SYT2: variants seen among roughly 807,000 people sequenced by gnomAD.
SYT2 encodes synaptotagmin-2.
Under a neutral mutation model 39.9 loss-of-function variants are expected in SYT2, and 15 were observed. The observed-to-expected ratio is 0.38, with a 90% CI of 0.25 to 0.58. The LOEUF is 0.58. Ranked by LOEUF, SYT2 falls within the 20% of genes least tolerant of loss-of-function variation. SYT2 has a pLI of 0.70. For synonymous variants in SYT2, 181 were observed against 204.5 expected (o/e 0.89, Z 0.98); for missense variants, 389 against 530.3 (o/e 0.73, Z 2.62).
intron 1 of SYT2, among the ~76,000 whole-genome samples, chr1:202,619,021 T>C (rs1311272561): frequency 1.3e-5 from 2 of 152,208 alleles, no homozygotes; most frequent in Non-Finnish European, 2.9e-5. Flanking sequence ...TCTAAATCCC[T>C]GGACCCCTAG....
chr1:202,654,806 C>G (rs1461817525), intron 1 of SYT2, among the ~76,000 whole-genome samples: 1 of 152,142 alleles, frequency 6.6e-6, no homozygotes. Flanking sequence ...CCAAAATTAA[C>G]TAGGCAGCGA....
intron 1 of SYT2, chr1:202,643,315 G>A (rs1257290986): frequency 6.8e-6 from 1 of 147,822 alleles, no homozygotes; most frequent in African/African-American, 2.5e-5. Flanking sequence ...TGAGCTGGTG[G>A]AGAGGGCGGG....
chr1:202,689,221 CCT>C (rs879544122), intron 1 of SYT2, among the ~76,000 whole-genome samples: 9 of 152,144 alleles, frequency 5.9e-5, no homozygotes, highest in Admixed American at 1.3e-4. Flanking sequence ...AGCACATACC[CCT>C]GAGCATACAT....
At chr1:202,627,945 G>T (rs1691465916) in intron 1 of SYT2, among the ~76,000 whole-genome samples, 1 of 152,084 alleles carries the variant, frequency 6.6e-6, no homozygotes, top group Non-Finnish European at 1.5e-5. Context: ...GCTTGCCCAG[G>T]GCCTCCCAGT....
In SYT2 at chr1:202,618,400, A is replaced by AGTGTGT. The variant is rs57621822; in HGVS notation, c.-17-12617_-17-12612dup. On this transcript the variant is annotated intron_variant, in intron 1 of 8. Coordinates refer to ENST00000367268, the MANE Select transcript of SYT2 (RefSeq NM_177402.5). Reference sequence around the variant, plus strand: ...TGGGAAGGAACCAAGGTCTGGTGTGAGTGTGTGTGTGTGTGTGTGTGTGTG... The same window carrying AGTGTGT: ...TGGGAAGGAACCAAGGTCTGGTGTGAGTGTGTGTGTGTGTGTGTGTGTGTGTGTGTG... 6.7e-3 allele frequency among the ~76,000 whole-genome samples: 1,004 copies of AGTGTGT among 148,850 alleles called. 9 individuals are homozygous for AGTGTGT. Among genetic ancestry groups the AGTGTGT allele is most frequent in the East Asian group, 0.019 (94 of 4,974 alleles).
chr1:202,620,800 G>A (rs994032839), intron 1 of SYT2, among the ~76,000 whole-genome samples: 82 of 152,050 alleles, frequency 5.4e-4, no homozygotes, highest in Non-Finnish European at 2.2e-4. Context: ...GGGGTGAGAC[G>A]ACCTCGCACA....
At chr1:202,621,363 A>G (rs1479140225) in intron 1 of SYT2, among the ~76,000 whole-genome samples, 1 of 152,100 alleles carries the variant, frequency 6.6e-6, no homozygotes, top group Non-Finnish European at 1.5e-5. Flanking sequence ...GGCCGTGATC[A>G]TAGCTCACTG....
chr1:202,680,719 A>T (rs1277808328), intron 1 of SYT2, among the ~76,000 whole-genome samples: 1 of 152,136 alleles, frequency 6.6e-6, no homozygotes, highest in Non-Finnish European at 1.5e-5. Context: ...TTCTCCATCT[A>T]AAAACATTCC....
chr1:202,665,187 A>C (rs1310090918), intron 1 of SYT2, among the ~76,000 whole-genome samples: 8 of 152,190 alleles, frequency 5.3e-5, no homozygotes, highest in Non-Finnish European at 1.0e-4. Flanking sequence ...CCTGGGATGA[A>C]AGTGATGAGG....
chr1:202,700,580 TA>T (rs1470065404), intron 1 of SYT2, among the ~76,000 whole-genome samples: 3 of 152,168 alleles, frequency 2.0e-5, no homozygotes, highest in Non-Finnish European at 2.9e-5. Flanking sequence ...TAATACAACA[TA>T]TTTAATAAGT....
In SYT2 at chr1:202,669,850, C is replaced by G. The variant is rs369275924; in HGVS notation, c.-18+40408G>C. On this transcript the variant is annotated intron_variant, in intron 1 of 8. Coordinates refer to ENST00000367268, the MANE Select transcript of SYT2 (RefSeq NM_177402.5). ...AAAGACACGAAACATGTCTCTCATTCAGTCAACCTACCTGGGAGCCCTGGC... is the reference window on the plus strand; with the variant it reads ...AAAGACACGAAACATGTCTCTCATTGAGTCAACCTACCTGGGAGCCCTGGC... Among the ~76,000 whole-genome samples the G allele has an allele frequency of 1.2e-4, 19 of 152,132 alleles. 1 individual carries two copies. The highest frequency in any genetic ancestry group is 7.9e-4 in the Admixed American group (12 of 15,284).
chr1:202,612,611 C>T (rs1690915543), intron 1 of SYT2, among the ~76,000 whole-genome samples: 1 of 152,188 alleles, frequency 6.6e-6, no homozygotes, highest in Admixed American at 6.5e-5. Context: ...ATGCAATCCA[C>T]CTGCCTTGGC....
rs1690255054 is a variant in SYT2 at position 202,595,479 on chromosome 1, AG to A, written c.*1277del. 1 of 152,236 alleles carries A rather than the reference AG, an allele frequency of 6.6e-6. No individual in the cohort carries two copies. Among genetic ancestry groups the A allele is most frequent in the Admixed American group, 6.5e-5 (1 of 15,284 alleles). 9.4% of individuals were successfully genotyped at this position (152,236 alleles called of 1,614,324 possible). On this transcript the variant is annotated 3_prime_UTR_variant, in exon 9 of 9. Transcript: ENST00000367268. Reference sequence around the variant, plus strand: ...TGGAGGGCAGAGGGCCAAGGGAGCAAGGAGTGGGAGTCGGGGGAATTCCAGT... The same window carrying A: ...TGGAGGGCAGAGGGCCAAGGGAGCAAGAGTGGGAGTCGGGGGAATTCCAGT...
chr1:202,611,304 T>C (rs1181836809), intron 1 of SYT2, among the ~76,000 whole-genome samples: 2 of 152,236 alleles, frequency 1.3e-5, no homozygotes, highest in Non-Finnish European at 2.9e-5. Context: ...AATTTGCAAA[T>C]ATTTTCTCTC....
At chr1:202,609,905 T>G (rs1690839491) in intron 1 of SYT2, among the ~76,000 whole-genome samples, 1 of 152,262 alleles carries the variant, frequency 6.6e-6, no homozygotes. Context: ...ATCCCATTTG[T>G]CTATTTTGGC....
chr1:202,627,217 G>A (rs1278181118), intron 1 of SYT2, among the ~76,000 whole-genome samples: 1 of 152,170 alleles, frequency 6.6e-6, no homozygotes, highest in Non-Finnish European at 1.5e-5. Flanking sequence ...TGGTGTCAAA[G>A]GTACTTGTAT....
Position 202,596,592 on chromosome 1 carries a change from A to T in SYT2, c.*165T>A, listed in dbSNP as rs1690304492. ...AGGGGACTCTCCTCACACAGCCATC[A>T]AAGGGAAGTTGGTCTTTAAAAAGAG... On this transcript the variant is annotated 3_prime_UTR_variant, in exon 9 of 9. Coordinates refer to ENST00000367268, the MANE Select transcript of SYT2 (RefSeq NM_177402.5). 3.0e-6 allele frequency: 2 copies of T among 666,428 alleles called. No individual in the cohort carries two copies. The highest frequency in any genetic ancestry group is 5.0e-6 in the Non-Finnish European group (2 of 401,220). 41.3% of individuals were successfully genotyped at this position (666,428 alleles called of 1,614,324 possible). A position where few individuals can be genotyped will look rare whatever the true frequency, so the allele number is the denominator to read the frequency against.
At chr1:202,699,791 C>T (rs1654066397) in intron 1 of SYT2, among the ~76,000 whole-genome samples, 1 of 151,706 alleles carries the variant, frequency 6.6e-6, no homozygotes, top group Non-Finnish European at 1.5e-5. Flanking sequence ...TCCTGCTGCA[C>T]AGGCACTGGG....
In SYT2 at chr1:202,672,518, G is replaced by A. The variant is rs112732223; in HGVS notation, c.-18+37740C>T. Among the ~76,000 whole-genome samples the A allele has an allele frequency of 7.5e-3, 1,136 of 151,592 alleles. 10 individuals carry two copies. Among genetic ancestry groups the A allele is most frequent in the African/African-American group, 0.026 (1,084 of 41,286 alleles). Reference sequence around the variant, plus strand: ...CCAGTCTATGGCATTTCATTTTAGCGGCTGGTGCAGACTAATATGGTAAGA... The same window carrying A: ...CCAGTCTATGGCATTTCATTTTAGCAGCTGGTGCAGACTAATATGGTAAGA... On this transcript the variant is annotated intron_variant, in intron 1 of 8. Transcript: ENST00000367268.
Sources: gnomAD v4.1 joint callset for allele counts (sites outside exome capture counted in the v4.1 genomes callset) on GRCh38, gnomAD v4.1.1 for gene constraint, MANE v1.5 for transcripts, NCBI Gene and HGNC (gene_info 2026-07-23, HGNC 2026-07-21) for gene names.